Variants in HIPK2 observed in about 807,000 individuals in gnomAD.
HIPK2 encodes homeodomain-interacting protein kinase 2.
HIPK2 carries 27 observed loss-of-function variants against 113.7 expected under a neutral mutation model. That is an observed-to-expected ratio of 0.24 (90% CI 0.17 to 0.33). The LOEUF is 0.33. Among genes scored for constraint, HIPK2 ranks in the 10% least tolerant of loss-of-function variants. The pLI, the probability that HIPK2 is intolerant of heterozygous loss-of-function variation, is 1.00. For synonymous variants in HIPK2, 631 were observed against 642.2 expected, an observed-to-expected ratio of 0.98 and a Z score of 0.26; for missense variants, 1,257 against 1,588.0, an observed-to-expected ratio of 0.79 and a Z score of 3.54.
At chr7:139,618,045 T>G (rs1234327803) in intron 7 of HIPK2, among the ~76,000 whole-genome samples, 6 of 152,248 alleles carry the variant, frequency 3.9e-5, no homozygotes, top group African/African-American at 1.4e-4. Context: ...GTCCAGACTC[T>G]GAAGCCAGAT....
In HIPK2 at chr7:139,657,307, C is replaced by T. The variant is rs374584832; in HGVS notation, c.1104-25582G>A. Among the ~76,000 whole-genome samples, 22 of 152,314 alleles carry T rather than the reference C, an allele frequency of 1.4e-4. No individual in the cohort carries two copies. In the East Asian group the frequency reaches 2.9e-3, roughly 20 times the overall value. ...TGGGAGGTACTACGTCAGTCAGAGT[C>T]GTCTGTTAGACAGCATTCATCTACC... is the stretch of plus-strand genomic sequence containing the variant. On this transcript the variant is annotated intron_variant, in intron 2 of 14. Coordinates refer to ENST00000406875, the MANE Select transcript of HIPK2 (RefSeq NM_022740.5).
intron 2 of HIPK2, among the ~76,000 whole-genome samples, chr7:139,672,902 A>G (rs761645325): frequency 3.6e-4 from 55 of 152,276 alleles, no homozygotes; most frequent in Non-Finnish European, 5.9e-4. Context: ...CACTTTCACT[A>G]TTCTCAGTCA....
At chr7:139,737,165 C>T (rs916532082) in intron 1 of HIPK2, among the ~76,000 whole-genome samples, 2 of 152,166 alleles carry the variant, frequency 1.3e-5, no homozygotes, top group Non-Finnish European at 2.9e-5. Context: ...ATATAGTATT[C>T]CTACCGAGGT....
chr7:139,660,746 C>T (rs1801839995), intron 2 of HIPK2, among the ~76,000 whole-genome samples: 1 of 152,132 alleles, frequency 6.6e-6, no homozygotes, highest in Non-Finnish European at 1.5e-5. Flanking sequence ...AGAGGGCTAG[C>T]CAGTCTAGAT....
chr7:139,600,512 T>G lies in HIPK2; in HGVS notation c.2340A>C (p.Ala780=), dbSNP rs766447449. The G allele has an allele frequency of 1.2e-6, 2 of 1,614,064 alleles. No homozygotes were observed. Among genetic ancestry groups the G allele is most frequent in the South Asian group, 2.2e-5 (2 of 91,090 alleles). The change falls in exon 11 of 15, where the codon GCA becomes GCC. Residue 780 remains alanine (A), a synonymous_variant. Coordinates refer to ENST00000406875, the MANE Select transcript of HIPK2 (RefSeq NM_022740.5). ...LLTGHVTLPA[A]QPLNVGVAHV... ...GGGCCACACCCACATTTAAGGGCTG[T>G]GCTGCTGGAAGGGTCACATGACCGG...
At chr7:139,621,149 A>C (rs1347212823) in intron 6 of HIPK2, among the ~76,000 whole-genome samples, 1 of 152,214 alleles carries the variant, frequency 6.6e-6, no homozygotes, top group Non-Finnish European at 1.5e-5. Context: ...AATTAATAAT[A>C]GTGGTTAACA....
At chr7:139,638,989 G>A (rs77875040) in intron 2 of HIPK2, among the ~76,000 whole-genome samples, 8,817 of 152,272 alleles carry the variant, frequency 0.058, 390 homozygotes, top group Non-Finnish European at 0.094. Flanking sequence ...AAATACGTTT[G>A]CATATCTGCC....
At chr7:139,650,409 G>GT (rs1384016987) in intron 2 of HIPK2, among the ~76,000 whole-genome samples, 1 of 148,958 alleles carries the variant, frequency 6.7e-6, no homozygotes, top group East Asian at 2.0e-4. Context: ...GAACACAATA[G>GT]TAAGTGGGCT....
chr7:139,677,834 C>A (rs944332750), intron 2 of HIPK2, among the ~76,000 whole-genome samples: 2 of 152,166 alleles, frequency 1.3e-5, no homozygotes, highest in African/African-American at 2.4e-5. Context: ...ACACTCCCAA[C>A]AACAGTGTGA....
chr7:139,704,855 C>T (rs1016191333), intron 2 of HIPK2, among the ~76,000 whole-genome samples: 2 of 152,174 alleles, frequency 1.3e-5, no homozygotes, highest in African/African-American at 4.8e-5. Context: ...TCTAGCGTTG[C>T]TCCTGGGCCA....
In HIPK2 at chr7:139,748,172, G is replaced by A. The variant is rs1372203296; in HGVS notation, c.19+29433C>T. ...CCTTCACAGAACACCCGTGTTCTTC[G>A]GAAGCTGGTCTGCCCATCTGAGCCG... is the stretch of plus-strand genomic sequence containing the variant. On this transcript the variant is annotated intron_variant, in intron 1 of 14. Coordinates refer to ENST00000406875, the MANE Select transcript of HIPK2 (RefSeq NM_022740.5). Among the ~76,000 whole-genome samples the A allele has an allele frequency of 6.6e-5, 10 of 152,114 alleles. 1 individual carries two copies. The highest frequency in any genetic ancestry group is 6.5e-4 in the Admixed American group (10 of 15,282).
chr7:139,621,391 T>C (rs1356841564), intron 6 of HIPK2, among the ~76,000 whole-genome samples: 1 of 152,138 alleles, frequency 6.6e-6, no homozygotes, highest in Non-Finnish European at 1.5e-5. Flanking sequence ...CTACATGAAA[T>C]AGAAATTTTC....
At chr7:139,689,103 C>T (rs1269332188) in intron 2 of HIPK2, among the ~76,000 whole-genome samples, 1 of 152,178 alleles carries the variant, frequency 6.6e-6, no homozygotes. Flanking sequence ...AATCTTCGTG[C>T]AGCCTGGAGA....
chr7:139,628,398 G>A (rs1800501212), intron 5 of HIPK2, among the ~76,000 whole-genome samples: 1 of 152,154 alleles, frequency 6.6e-6, no homozygotes. Context: ...CAGGCAGATA[G>A]GCCAGTACTA....
chr7:139,724,930 T>C (rs1042697093), intron 1 of HIPK2, among the ~76,000 whole-genome samples: 1 of 151,982 alleles, frequency 6.6e-6, no homozygotes, highest in African/African-American at 2.4e-5. Flanking sequence ...ATATACACCA[T>C]GGAATACTAT....
intron 2 of HIPK2, among the ~76,000 whole-genome samples, chr7:139,637,273 A>G (rs1363599373): frequency 3.9e-5 from 6 of 152,178 alleles, no homozygotes; most frequent in Non-Finnish European, 8.8e-5. Flanking sequence ...GTAAGCCTTC[A>G]GGGGCTCCCC....
At position 139,653,230 on chromosome 7, in the gene HIPK2, A is replaced by G. The variant is rs1283173962; in HGVS notation, c.1104-21505T>C. Among the ~76,000 whole-genome samples, 5 of 151,694 alleles carry G rather than the reference A, an allele frequency of 3.3e-5. No homozygotes were observed. In the East Asian group the frequency reaches 9.7e-4, roughly 29 times the overall value. On this transcript the variant is annotated intron_variant, in intron 2 of 14. Coordinates refer to ENST00000406875, the MANE Select transcript of HIPK2 (RefSeq NM_022740.5). ...AGGAGCAAGGGGCAAGTGATACCAG[A>G]GCAGAAACAGCGTCACTGTCATCCT...
Position 139,572,898 on chromosome 7 carries a change from T to TACCAAACC in HIPK2, c.*28_*29insGGTTTGGT. 3 of 407,280 alleles carry TACCAAACC rather than the reference T, an allele frequency of 7.4e-6. No individual in the cohort carries two copies. Among genetic ancestry groups the TACCAAACC allele is most frequent in the Non-Finnish European group, 1.5e-5 (3 of 206,378 alleles). The allele number at this position is 407,280 out of a possible 1,614,324, so 25.2% of individuals were successfully genotyped here. On this transcript the variant is annotated 3_prime_UTR_variant, in exon 15 of 15. Coordinates refer to ENST00000406875, the MANE Select transcript of HIPK2 (RefSeq NM_022740.5). ...CTCCTCCCTCGGGCCATTCTCTCCCTCCCTCCCTCCCTCCCTCCCCTCCAG... is the reference window on the plus strand; with the variant it reads ...CTCCTCCCTCGGGCCATTCTCTCCCTACCAAACCCCCTCCCTCCCTCCCTCCCCTCCAG...
At chr7:139,770,967 C>T (rs1796640006) in intron 1 of HIPK2, among the ~76,000 whole-genome samples, 1 of 152,152 alleles carries the variant, frequency 6.6e-6, no homozygotes, top group South Asian at 2.1e-4. Context: ...TACTAGCTTG[C>T]TTTCTAAGGG....
Sources: allele counts gnomAD v4.1 joint callset (sites outside exome capture counted in the v4.1 genomes callset), GRCh38; gene constraint gnomAD v4.1.1; transcripts MANE v1.5; gene names NCBI Gene and HGNC (gene_info 2026-07-23, HGNC 2026-07-21).